PHKB: variants seen among roughly 807,000 people sequenced by gnomAD.
The protein encoded by PHKB is phosphorylase b kinase regulatory subunit beta.
Under a neutral mutation model 152.1 loss-of-function variants are expected in PHKB, and 122 were observed. The ratio of observed to expected loss-of-function variants is 0.80; its 90% CI spans 0.69 to 0.93. The LOEUF is 0.93. Among genes scored for constraint, PHKB ranks in the 40% least tolerant of loss-of-function variants. The pLI, the probability that PHKB is intolerant of heterozygous loss-of-function variation, is 0.00. For missense variants in PHKB, 1,304 were observed against 1,328.4 expected, an observed-to-expected ratio of 0.98 and a Z score of 0.29; for synonymous variants, 436 against 464.9, an observed-to-expected ratio of 0.94 and a Z score of 0.80.
chr16:47,614,476 T>C (rs984149036), intron 14 of PHKB, among the ~76,000 whole-genome samples: 3 of 152,234 alleles, frequency 2.0e-5, no homozygotes, highest in African/African-American at 7.2e-5. Flanking sequence ...TTTCTTAGAA[T>C]TCCACTTTAA....
intron 7 of PHKB, among the ~76,000 whole-genome samples, chr16:47,555,678 C>T (rs755899668): frequency 2.0e-5 from 3 of 152,130 alleles, no homozygotes; most frequent in Non-Finnish European, 4.4e-5. Flanking sequence ...GAATTTCTTA[C>T]AACAATATAT....
At chr16:47,613,779 A>G (rs1464666884) in intron 14 of PHKB, among the ~76,000 whole-genome samples, 1 of 152,098 alleles carries the variant, frequency 6.6e-6, no homozygotes, top group African/African-American at 2.4e-5. Flanking sequence ...CCTTCACCCC[A>G]GTTCTTAACC....
intron 6 of PHKB, among the ~76,000 whole-genome samples, chr16:47,542,180 A>G (rs1394127044): frequency 6.6e-6 from 1 of 152,144 alleles, no homozygotes; most frequent in Non-Finnish European, 1.5e-5. Context: ...CCTATAAGGT[A>G]TAAGGTATAA....
At chr16:47,601,156 G>A (rs1597115862) in intron 13 of PHKB, among the ~76,000 whole-genome samples, 1 of 152,158 alleles carries the variant, frequency 6.6e-6, no homozygotes, top group Admixed American at 6.5e-5. Context: ...GGTCAAGGTT[G>A]TGGTGAGCCA....
chr16:47,683,914 A>G (rs184195932), intron 26 of PHKB, among the ~76,000 whole-genome samples: 10 of 152,218 alleles, frequency 6.6e-5, no homozygotes, highest in African/African-American at 9.6e-5. Flanking sequence ...TCCACCTCCA[A>G]TCATTTGTTT....
chr16:47,666,075 A>G (rs1318939817), intron 25 of PHKB: 5 of 1,392,818 alleles, frequency 3.6e-6, no homozygotes, highest in East Asian at 2.3e-5. Context: ...CCCGGTTGCA[A>G]AGATTTCTGG....
chr16:47,550,386 T>C (rs1971250696), intron 7 of PHKB, among the ~76,000 whole-genome samples: 2 of 152,262 alleles, frequency 1.3e-5, no homozygotes, highest in African/African-American at 4.8e-5. Context: ...TGCAGTATCC[T>C]TGTTATATCC....
At chr16:47,477,316 G>C (rs1310980006) in intron 1 of PHKB, among the ~76,000 whole-genome samples, 1 of 152,062 alleles carries the variant, frequency 6.6e-6, no homozygotes, top group African/African-American at 2.4e-5. Flanking sequence ...TTGCAGCTTT[G>C]TATAGCCCCT....
chr16:47,578,390 A>G (rs941607563), intron 7 of PHKB, among the ~76,000 whole-genome samples: 19 of 152,114 alleles, frequency 1.2e-4, no homozygotes, highest in African/African-American at 3.9e-4. Flanking sequence ...TGATTGACGT[A>G]TAGGTATTTT....
intron 1 of PHKB, among the ~76,000 whole-genome samples, chr16:47,489,567 C>A (rs558353042): frequency 6.6e-6 from 1 of 152,312 alleles, no homozygotes; most frequent in South Asian, 2.1e-4. Flanking sequence ...AAGCTGAGCC[C>A]AGCCATGGGT....
intron 7 of PHKB, among the ~76,000 whole-genome samples, chr16:47,550,455 A>G (rs1971251933): frequency 6.6e-6 from 1 of 152,224 alleles, no homozygotes; most frequent in African/African-American, 2.4e-5. Context: ...ACTTGCCATA[A>G]GTACTTACAC....
intron 6 of PHKB, among the ~76,000 whole-genome samples, chr16:47,543,309 A>G (rs888033849): frequency 6.6e-6 from 1 of 152,156 alleles, no homozygotes; most frequent in African/African-American, 2.4e-5. Flanking sequence ...ACGTTTAATG[A>G]TTCACATGTA....
chr16:47,698,684 A>C (rs1974197559), intron 30 of PHKB, 96 bp downstream of exon 30: 12 of 1,122,588 alleles, frequency 1.1e-5, no homozygotes, highest in Non-Finnish European at 1.5e-5. Flanking sequence ...TTTACTTTAT[A>C]AAACAGATTC....
intron 1 of PHKB, among the ~76,000 whole-genome samples, chr16:47,490,166 AG>A (rs1456273453): frequency 6.6e-6 from 1 of 152,188 alleles, no homozygotes; most frequent in Non-Finnish European, 1.5e-5. Flanking sequence ...GCTCTTCATG[AG>A]TCCTGTACAT....
intron 6 of PHKB, among the ~76,000 whole-genome samples, chr16:47,528,696 C>CTTTTTTTT (rs11450311): frequency 1.9e-4 from 26 of 137,348 alleles, no homozygotes; most frequent in Non-Finnish European, 2.5e-4. Flanking sequence ...AGGACTTTTT[C>CTTTTTTTT]TTTTTTTTTT....
At chr16:47,546,249 A>G (rs1165441100) in intron 6 of PHKB, among the ~76,000 whole-genome samples, 1 of 151,970 alleles carries the variant, frequency 6.6e-6, no homozygotes, top group Non-Finnish European at 1.5e-5. Context: ...GGTCTTTATG[A>G]TGGTGACCTA....
At chr16:47,570,090 G>A (rs1283678950) in intron 7 of PHKB, among the ~76,000 whole-genome samples, 1 of 152,192 alleles carries the variant, frequency 6.6e-6, no homozygotes, top group East Asian at 1.9e-4. Context: ...CAGCTCTTCT[G>A]TTTGAGGAGA....
intron 7 of PHKB, chr16:47,565,180 G>A (rs1424227529): frequency 1.7e-6 from 1 of 584,670 alleles, no homozygotes; most frequent in East Asian, 4.2e-5. Context: ...GATTTTCCTT[G>A]GGTTTATATG....
intron 14 of PHKB, among the ~76,000 whole-genome samples, chr16:47,623,147 C>T (rs1040365894): frequency 1.3e-5 from 2 of 152,124 alleles, no homozygotes; most frequent in African/African-American, 4.8e-5. Context: ...ATCCCTAACT[C>T]AGGGTTGTGT....
Sources: gnomAD v4.1 joint callset for allele counts (sites outside exome capture counted in the v4.1 genomes callset) on GRCh38, gnomAD v4.1.1 for gene constraint, MANE v1.5 for transcripts, NCBI Gene and HGNC (gene_info 2026-07-23, HGNC 2026-07-21) for gene names.